Variants in SCCPDH observed in about 807,000 individuals in gnomAD.
SCCPDH encodes saccharopine dehydrogenase (putative).
A neutral mutation model predicts 51.5 loss-of-function variants in SCCPDH; 34 were observed. The observed-to-expected ratio is 0.66, with a 90% CI of 0.50 to 0.88. The LOEUF (loss-of-function observed/expected upper bound fraction) is 0.88. Ranked by LOEUF, SCCPDH falls within the 40% of genes least tolerant of loss-of-function variation. The pLI, the probability that SCCPDH is intolerant of heterozygous loss-of-function variation, is 0.00. For synonymous variants in SCCPDH, 187 were observed against 191.3 expected, an observed-to-expected ratio of 0.98 and a Z score of 0.19; for missense variants, 464 against 527.1, an observed-to-expected ratio of 0.88 and a Z score of 1.17.
chr1:246,726,818 T>A, intron 1 of SCCPDH, 74 bp from the exon 2 acceptor site: 1 of 1,008,132 alleles, frequency 9.9e-7, no homozygotes, highest in Non-Finnish European at 1.5e-6. Context: ...TGTCACTGAT[T>A]ACTGTAAAAA....
At chr1:246,734,623 T>C (rs1482866235) in intron 2 of SCCPDH, among the ~76,000 whole-genome samples, 1 of 152,200 alleles carries the variant, frequency 6.6e-6, no homozygotes, top group East Asian at 1.9e-4. Flanking sequence ...TGTGAGGTCT[T>C]GGAGTTAGGT....
intron 3 of SCCPDH, among the ~76,000 whole-genome samples, chr1:246,738,086 C>T (rs974534227): frequency 7.2e-5 from 11 of 152,140 alleles, no homozygotes; most frequent in Non-Finnish European, 1.5e-4. Context: ...ATCCCAGCTA[C>T]TCAGAAGGCT....
chr1:246,743,497 C>T (rs1427884306), intron 4 of SCCPDH, among the ~76,000 whole-genome samples: 1 of 151,666 alleles, frequency 6.6e-6, no homozygotes, highest in Non-Finnish European at 1.5e-5. Flanking sequence ...GCATGAGAAT[C>T]GCTTGATCCC....
chr1:246,728,785 G>A (rs760794890), intron 2 of SCCPDH, among the ~76,000 whole-genome samples: 6 of 151,976 alleles, frequency 3.9e-5, no homozygotes, highest in African/African-American at 9.7e-5. Context: ...CTGCCAATCT[G>A]CATCATACCC....
intron 5 of SCCPDH, among the ~76,000 whole-genome samples, chr1:246,748,720 C>G (rs1308152405): frequency 6.6e-6 from 1 of 152,130 alleles, no homozygotes; most frequent in Non-Finnish European, 1.5e-5. Context: ...ACTCCAGTAG[C>G]GTTTATATAA....
chr1:246,751,530 T>A (rs983594925), intron 5 of SCCPDH, among the ~76,000 whole-genome samples: 1 of 152,222 alleles, frequency 6.6e-6, no homozygotes, highest in Admixed American at 6.5e-5. Flanking sequence ...TATTTTACTT[T>A]CCTTACACAC....
At position 246,732,822 on chromosome 1, in the gene SCCPDH, A is replaced by T. The variant is rs181990945; in HGVS notation, c.304-3153A>T. The stretch of plus-strand genomic sequence containing the variant: ...TCTTATTTCATCCTCACAACTACCC[A>T]GGGAAGTGAGTGTTGTTATTCATCA... On this transcript the variant is annotated intron_variant, in intron 2 of 11. Coordinates refer to ENST00000366510, the MANE Select transcript of SCCPDH (RefSeq NM_016002.3). Among the ~76,000 whole-genome samples the T allele has an allele frequency of 5.1e-3, 779 of 152,314 alleles. 4 individuals carry two copies. Among genetic ancestry groups the T allele is most frequent in the Non-Finnish European group, 8.4e-3 (569 of 68,026 alleles).
intron 2 of SCCPDH, among the ~76,000 whole-genome samples, chr1:246,727,592 G>T (rs1275760231): frequency 1.3e-5 from 2 of 152,040 alleles, no homozygotes; most frequent in Non-Finnish European, 2.9e-5. Flanking sequence ...GCCAAGAAAG[G>T]AGAAAAGGTC....
intron 5 of SCCPDH, among the ~76,000 whole-genome samples, chr1:246,757,772 G>A (rs1222124917): frequency 1.3e-5 from 2 of 152,026 alleles, no homozygotes; most frequent in African/African-American, 2.4e-5. Context: ...ATGGAGAGAT[G>A]GACAGTACAC....
Position 246,735,972 on chromosome 1 carries a change from T to C in SCCPDH, c.304-3T>C. The stretch of plus-strand genomic sequence containing the variant: ...AACCTCTTTGTTCTTTTTGTTTCCC[T>C]AGTATCGGTTTTATGGAGAACCTGT... On this transcript the variant is annotated splice_polypyrimidine_tract_variant and splice_region_variant and intron_variant, in intron 2 of 11. Coordinates refer to ENST00000366510, the MANE Select transcript of SCCPDH (RefSeq NM_016002.3). The C allele has an allele frequency of 1.9e-6, 3 of 1,599,280 alleles. No homozygotes were observed. Among genetic ancestry groups the C allele is most frequent in the Non-Finnish European group, 2.6e-6 (3 of 1,168,092 alleles).
rs1669085918 is a variant in SCCPDH at position 246,766,234 on chromosome 1, A to C, written c.1184+95A>C. 7.0e-6 allele frequency: 6 copies of C among 860,528 alleles called. No homozygotes were observed. The Admixed American group carries it at 1.3e-4, about 19-fold the overall frequency. The allele number at this position is 860,528 out of a possible 1,614,324, so 53.3% of individuals were successfully genotyped here. On this transcript the variant is annotated intron_variant, in intron 11 of 11. Coordinates refer to ENST00000366510, the MANE Select transcript of SCCPDH (RefSeq NM_016002.3). ...ATTTTCAGGCTTTGGGTTTGCATGT[A>C]AGCATTTATAGTTCAGTTCCTTTGC...
chr1:246,751,879 T>C (rs1668855713), intron 5 of SCCPDH, among the ~76,000 whole-genome samples: 1 of 151,596 alleles, frequency 6.6e-6, no homozygotes, highest in South Asian at 2.1e-4. Context: ...TTCATGCCAT[T>C]CTCCTGCCTC....
intron 3 of SCCPDH, among the ~76,000 whole-genome samples, chr1:246,738,193 C>T (rs563035214): frequency 6.7e-6 from 1 of 149,740 alleles, no homozygotes; most frequent in South Asian, 2.1e-4. Flanking sequence ...CGGATCCTGT[C>T]TCAAAACAAC....
At chr1:246,731,544 G>T (rs1042540208) in intron 2 of SCCPDH, among the ~76,000 whole-genome samples, 2 of 152,214 alleles carry the variant, frequency 1.3e-5, no homozygotes, top group African/African-American at 4.8e-5. Context: ...GGTGCTCCAG[G>T]TAGTGGAAGC....
In SCCPDH at chr1:246,736,189, G is replaced by T. The variant is rs79363763; in HGVS notation, c.384+134G>T. ...TTTCTAGCATTCAGATATGGTATTC[G>T]TGTGGTATTCCATTGATAGCTCAAA... On this transcript the variant is annotated intron_variant, in intron 3 of 11. Transcript: ENST00000366510. The T allele has an allele frequency of 0.015, 9,563 of 624,988 alleles. 700 individuals are homozygous for T. The African/African-American group carries it at 0.16, about 10-fold the overall frequency. 38.7% of individuals were successfully genotyped at this position (624,988 alleles called of 1,614,324 possible). A position where few individuals can be genotyped will look rare whatever the true frequency, so the allele number is the denominator to read the frequency against.
chr1:246,754,180 T>C (rs7417422), intron 5 of SCCPDH, among the ~76,000 whole-genome samples: 40,633 of 151,852 alleles, frequency 0.27, 5,560 homozygotes, highest in South Asian at 0.29. Context: ...GCTTGGCTGC[T>C]CCTGTGGTGT....
At chr1:246,732,208 G>T (rs937234658) in intron 2 of SCCPDH, among the ~76,000 whole-genome samples, 2 of 152,160 alleles carry the variant, frequency 1.3e-5, no homozygotes, top group Non-Finnish European at 2.9e-5. Flanking sequence ...ATTTGGAGAT[G>T]GGGCTAGCTG....
At chr1:246,740,001 G>A (rs575291604) in intron 3 of SCCPDH, among the ~76,000 whole-genome samples, 171 bp from the exon 4 acceptor site, 3 of 152,274 alleles carry the variant, frequency 2.0e-5, no homozygotes, top group African/African-American at 2.4e-5. Flanking sequence ...TGCAGTAGGC[G>A]CTGTATTTGC....
intron 5 of SCCPDH, among the ~76,000 whole-genome samples, chr1:246,751,998 G>A (rs186370090): frequency 1.3e-5 from 2 of 150,328 alleles, no homozygotes; most frequent in Non-Finnish European, 3.0e-5. Context: ...AGCCAGGATG[G>A]TCTCATCTCC....
Sources: allele counts gnomAD v4.1 joint callset (sites outside exome capture counted in the v4.1 genomes callset), GRCh38; gene constraint gnomAD v4.1.1; transcripts MANE v1.5; gene names NCBI Gene and HGNC (gene_info 2026-07-23, HGNC 2026-07-21).